Variants in ARHGAP19 observed in about 807,000 individuals in gnomAD.
ARHGAP19 encodes Rho GTPase activating protein 19, also known as rho GTPase-activating protein 19.
Under a neutral mutation model 60.9 loss-of-function variants are expected in ARHGAP19, and 48 were observed. The observed-to-expected ratio is 0.79, with a 90% CI of 0.62 to 1.00. The LOEUF (loss-of-function observed/expected upper bound fraction) is 1.00, where lower values mean the gene tolerates loss of function less well. Ranked by LOEUF, ARHGAP19 falls within the 50% of genes least tolerant of loss-of-function variation. The pLI is 0.00. For synonymous variants in ARHGAP19, 209 were observed against 215.5 expected (o/e 0.97, Z 0.27); for missense variants, 562 against 597.2 (o/e 0.94, Z 0.61).
intron 6 of ARHGAP19, among the ~76,000 whole-genome samples, 199 bp downstream of exon 6, chr10:97,256,119 C>T (rs1833195967): frequency 6.6e-6 from 1 of 152,070 alleles, no homozygotes; most frequent in South Asian, 2.1e-4. Context: ...CCCAGAGGAC[C>T]CAGCCCTACT....
intron 6 of ARHGAP19, among the ~76,000 whole-genome samples, chr10:97,247,398 A>C (rs1277071901): frequency 6.6e-6 from 1 of 152,196 alleles, no homozygotes; most frequent in Non-Finnish European, 1.5e-5. Context: ...AGATGTGCAA[A>C]ATAATACAAC....
chr10:97,272,239 A>T (rs1295485021), intron 1 of ARHGAP19, among the ~76,000 whole-genome samples: 2 of 144,340 alleles, frequency 1.4e-5, no homozygotes, highest in Non-Finnish European at 3.0e-5. Context: ...AGGTTCAAGC[A>T]ATTCTCCTGC....
At chr10:97,229,979 A>C (rs888354076) in intron 9 of ARHGAP19, 105 bp from the exon 10 acceptor site, 8 of 828,022 alleles carry the variant, frequency 9.7e-6, no homozygotes, top group Non-Finnish European at 1.5e-5. Flanking sequence ...AAAAAATCTC[A>C]GCATTCTGAT....
chr10:97,290,152 CT>C (rs1315548149), intron 1 of ARHGAP19, among the ~76,000 whole-genome samples: 6 of 152,180 alleles, frequency 3.9e-5, no homozygotes. Context: ...CTATTTCACT[CT>C]ATTAAATCTT....
At chr10:97,251,376 TGGAAGGGAAGG>T (rs761400269) in intron 6 of ARHGAP19, among the ~76,000 whole-genome samples, 61 of 1,918 alleles carry the variant, frequency 0.032, 1 homozygote, top group Non-Finnish European at 0.03. Context: ...GGAAGGGGAA[TGGAAGGGAAGG>T]GGAAGGGAAG....
intron 1 of ARHGAP19, among the ~76,000 whole-genome samples, chr10:97,272,191 A>G (rs903031670): frequency 1.6e-5 from 2 of 124,980 alleles, no homozygotes; most frequent in African/African-American, 6.1e-5. Context: ...ACTGGAGTGC[A>G]GTGGCACGAT....
chr10:97,253,152 G>T (rs1177173284), intron 6 of ARHGAP19, among the ~76,000 whole-genome samples: 4 of 152,054 alleles, frequency 2.6e-5, no homozygotes, highest in African/African-American at 9.7e-5. Context: ...ACTTTGGGAG[G>T]CCGAGGCGGG....
chr10:97,287,356 A>C (rs1472064450), intron 1 of ARHGAP19, among the ~76,000 whole-genome samples: 1 of 152,258 alleles, frequency 6.6e-6, no homozygotes, highest in Non-Finnish European at 1.5e-5. Context: ...ATTCTACTTA[A>C]TAAAAACCAG....
chr10:97,238,995 T>C (rs375413256), intron 8 of ARHGAP19, among the ~76,000 whole-genome samples: 220 of 152,284 alleles, frequency 1.4e-3, no homozygotes, highest in African/African-American at 3.3e-3. Context: ...ATTGTTACAA[T>C]TGCCTACAGT....
chr10:97,235,354 C>T lies in ARHGAP19; in HGVS notation c.1186-39G>A, dbSNP rs1337770117. 4.6e-6 allele frequency: 7 copies of T among 1,527,418 alleles called. No individual in the cohort carries two copies. The East Asian group carries it at 1.1e-4, about 25-fold the overall frequency. The allele number at this position is 1,527,418 out of a possible 1,614,324, so 94.6% of individuals were successfully genotyped here. A position where few individuals can be genotyped will look rare whatever the true frequency, so the allele number is the denominator to read the frequency against. On this transcript the variant is annotated intron_variant, in intron 8 of 11. Coordinates refer to ENST00000358531, the MANE Select transcript of ARHGAP19 (RefSeq NM_032900.6). ...TGGAGAACATTTTATAAATACTTTC[C>T]CATCAAGACACGGCATTCTGTGACA...
intron 8 of ARHGAP19, among the ~76,000 whole-genome samples, chr10:97,236,464 T>A (rs1195080986): frequency 6.6e-6 from 1 of 152,080 alleles, no homozygotes; most frequent in Non-Finnish European, 1.5e-5. Flanking sequence ...TAAGTATCCC[T>A]CCTGAATAAA....
chr10:97,248,093 G>A (rs1842588953), intron 6 of ARHGAP19, among the ~76,000 whole-genome samples: 1 of 151,408 alleles, frequency 6.6e-6, no homozygotes, highest in Non-Finnish European at 1.5e-5. Flanking sequence ...AGCCTCCCAA[G>A]TAGCTGGGAT....
intron 1 of ARHGAP19, chr10:97,270,550 A>T: frequency 1.4e-6 from 2 of 1,453,386 alleles, no homozygotes; most frequent in Non-Finnish European, 1.9e-6. Context: ...CTACTCTACA[A>T]TATTGTAAAA....
chr10:97,226,199 T>G (rs992824771), intron 11 of ARHGAP19, 67 bp from the exon 12 acceptor site: 1 of 1,536,248 alleles, frequency 6.5e-7, no homozygotes, highest in Non-Finnish European at 9.0e-7. Flanking sequence ...AACATCCCAC[T>G]CAAAAGCTAC....
intron 1 of ARHGAP19, among the ~76,000 whole-genome samples, chr10:97,289,360 C>A (rs955248271): frequency 2.0e-5 from 3 of 152,028 alleles, no homozygotes; most frequent in Admixed American, 6.6e-5. Context: ...AGGTGATGCA[C>A]CCGCCTCAGC....
At chr10:97,268,019 A>G (rs1842920599) in intron 1 of ARHGAP19, among the ~76,000 whole-genome samples, 1 of 152,182 alleles carries the variant, frequency 6.6e-6, no homozygotes, top group South Asian at 2.1e-4. Flanking sequence ...CTCTGCAGAA[A>G]ATGAGTCTTT....
intron 4 of ARHGAP19, among the ~76,000 whole-genome samples, chr10:97,262,076 G>T (rs866153874): frequency 6.6e-6 from 1 of 152,038 alleles, no homozygotes; most frequent in South Asian, 2.1e-4. Flanking sequence ...ACTGGTCTGG[G>T]GGCTGCGGCT....
chr10:97,243,984 T>A lies in ARHGAP19; in HGVS notation c.1169A>T (p.Lys390Ile). Reference sequence around the variant, plus strand: ...TTTAGGCACCTGTCTAATAAGTTGTTTCTTCTTTGCTGACTCTGGCATATC... The same window carrying A: ...TTTAGGCACCTGTCTAATAAGTTGTATCTTCTTTGCTGACTCTGGCATATC... ...VHDMPESAKKKQLIRQFNKQS... is the reference protein window; with the variant it reads ...VHDMPESAKKIQLIRQFNKQS... The change falls in exon 8 of 12, where the codon AAA becomes ATA. Residue 390 changes from lysine (K) to isoleucine (I), a missense_variant. Lys to Ile is a moderately radical substitution (Grantham distance 102, BLOSUM62 -3). Coordinates refer to ENST00000358531, the MANE Select transcript of ARHGAP19 (RefSeq NM_032900.6). The A allele has an allele frequency of 6.2e-7, 1 of 1,608,838 alleles. No homozygotes were observed. The highest frequency in any genetic ancestry group is 8.5e-7 in the Non-Finnish European group (1 of 1,178,358).
At chr10:97,270,068 A>G (rs1311506320) in intron 1 of ARHGAP19, among the ~76,000 whole-genome samples, 2 of 152,216 alleles carry the variant, frequency 1.3e-5, no homozygotes, top group East Asian at 3.8e-4. Context: ...AAACAGGTTC[A>G]AGACTGCTCC....
Sources: gnomAD v4.1 joint callset for allele counts (sites outside exome capture counted in the v4.1 genomes callset) on GRCh38, gnomAD v4.1.1 for gene constraint, MANE v1.5 for transcripts, NCBI Gene and HGNC (gene_info 2026-07-23, HGNC 2026-07-21) for gene names.